Variants in SUPV3L1 observed in about 807,000 individuals in gnomAD.
The protein encoded by SUPV3L1 is Suv3 like RNA helicase, also known as ATP-dependent RNA helicase SUPV3L1, mitochondrial.
In SUPV3L1, 35 loss-of-function variants were observed where a neutral mutation model predicts 70.0. The ratio of observed to expected loss-of-function variants is 0.50; its 90% CI spans 0.38 to 0.66. The LOEUF (loss-of-function observed/expected upper bound fraction) is 0.66. Ranked by LOEUF, SUPV3L1 falls within the 30% of genes least tolerant of loss-of-function variation. The pLI is 0.00. For missense variants in SUPV3L1, 777 were observed against 961.5 expected, an observed-to-expected ratio of 0.81 and a Z score of 2.54; for synonymous variants, 364 against 341.9, an observed-to-expected ratio of 1.06 and a Z score of -0.71.
rs1842595988 is a variant in SUPV3L1, at chr10:69,198,363, T to G, written c.1024-9T>G. 4.4e-6 allele frequency: 7 copies of G among 1,577,896 alleles called. No homozygotes were observed. Among genetic ancestry groups the G allele is most frequent in the Non-Finnish European group, 5.2e-6 (6 of 1,164,440 alleles). ...TGTGTCATTTTGCCATTTCATGTCT[T>G]TATTGTAGGTTCGAGACTATAAGAG... On this transcript the variant is annotated splice_polypyrimidine_tract_variant and intron_variant, in intron 8 of 14. Coordinates refer to ENST00000359655, the MANE Select transcript of SUPV3L1 (RefSeq NM_003171.5).
chr10:69,180,777 C>T (rs2132258474), intron 1 of SUPV3L1, among the ~76,000 whole-genome samples: 1 of 152,324 alleles, frequency 6.6e-6, no homozygotes, highest in Middle Eastern at 3.4e-3. Context: ...CCAGAAGCGG[C>T]CTTTTCCCTT....
chr10:69,190,271 C>T (rs1165079505), intron 5 of SUPV3L1, among the ~76,000 whole-genome samples: 1 of 152,190 alleles, frequency 6.6e-6, no homozygotes, highest in Non-Finnish European at 1.5e-5. Context: ...TCAGCTAGAG[C>T]TAATGATAAA....
At chr10:69,193,591 G>A (rs1842458863) in intron 6 of SUPV3L1, among the ~76,000 whole-genome samples, 1 of 150,042 alleles carries the variant, frequency 6.7e-6, no homozygotes, top group African/African-American at 2.5e-5. Context: ...TTTTTCTTTT[G>A]TAGAGAAGAG....
chr10:69,190,704 T>C (rs147117310), intron 5 of SUPV3L1, among the ~76,000 whole-genome samples: 1 of 152,392 alleles, frequency 6.6e-6, no homozygotes, highest in East Asian at 1.9e-4. Flanking sequence ...TTTCCATTAA[T>C]CTTGGACAGT....
At chr10:69,185,898 C>A (rs780989084) in intron 1 of SUPV3L1, 89 bp from the exon 2 acceptor site, 6 of 938,524 alleles carry the variant, frequency 6.4e-6, no homozygotes, top group South Asian at 1.4e-5. Context: ...AGACTGCTGC[C>A]TTTAGTGTTA....
chr10:69,193,559 A>G (rs2135587), intron 6 of SUPV3L1, among the ~76,000 whole-genome samples: 27,208 of 151,522 alleles, frequency 0.18, 2,849 homozygotes, highest in Non-Finnish European at 0.23. Flanking sequence ...GGCTCAAACA[A>G]TCCTCCTGCC....
At chr10:69,205,845 T>C (rs777088346) in intron 13 of SUPV3L1, among the ~76,000 whole-genome samples, 55 of 152,300 alleles carry the variant, frequency 3.6e-4, no homozygotes, top group Middle Eastern at 3.4e-3. Context: ...GCTCCGTGTG[T>C]TTTCTGTTTA....
chr10:69,182,935 A>G (rs1158317627), intron 1 of SUPV3L1, among the ~76,000 whole-genome samples: 1 of 151,846 alleles, frequency 6.6e-6, no homozygotes, highest in African/African-American at 2.4e-5. Context: ...GGGGTGTCTC[A>G]TTCTCTCTCT....
intron 10 of SUPV3L1, among the ~76,000 whole-genome samples, 171 bp downstream of exon 10, chr10:69,199,368 G>C (rs1004781645): frequency 6.6e-6 from 1 of 152,092 alleles, no homozygotes; most frequent in Non-Finnish European, 1.5e-5. Flanking sequence ...GAAATAAAAA[G>C]AAAATATTAA....
rs1290767265 is a variant in SUPV3L1, at chr10:69,180,578, A to G, written c.271+16A>G. 6.2e-7 allele frequency: 1 copy of G among 1,611,652 alleles called. No homozygotes were observed. Among genetic ancestry groups the G allele is most frequent in the South Asian group, 1.1e-5 (1 of 91,058 alleles). On this transcript the variant is annotated intron_variant, in intron 1 of 14. Transcript: ENST00000359655. ...CTGGACAAGAGTGAGTGCGGGAACT[A>G]CTGAGGGCGGCAGAGGGTGGTGTCT...
rs141333647 is a variant in SUPV3L1, at chr10:69,206,179, G to A, written c.1777-1614G>A. ...TAACTTGAGAACTCATGCTTGGCCTGTCCTGCCTAGCAGGTAGTGTGGTCA... is the reference window on the plus strand; with the variant it reads ...TAACTTGAGAACTCATGCTTGGCCTATCCTGCCTAGCAGGTAGTGTGGTCA... On this transcript the variant is annotated intron_variant, in intron 13 of 14. Coordinates refer to ENST00000359655, the MANE Select transcript of SUPV3L1 (RefSeq NM_003171.5). 1.1e-3 allele frequency among the ~76,000 whole-genome samples: 164 copies of A among 152,310 alleles called. 5 individuals are homozygous for A. The East Asian group carries it at 0.03, about 28-fold the overall frequency.
At chr10:69,185,885 A>G in intron 1 of SUPV3L1, 102 bp from the exon 2 acceptor site, 3 of 846,652 alleles carry the variant, frequency 3.5e-6, no homozygotes, top group Non-Finnish European at 6.0e-6. Context: ...TGCAACACTC[A>G]TTAGACTGCT....
At chr10:69,183,169 C>T (rs867536350) in intron 1 of SUPV3L1, among the ~76,000 whole-genome samples, 9 of 152,324 alleles carry the variant, frequency 5.9e-5, no homozygotes, top group Admixed American at 1.3e-4. Context: ...CTCACCCCTA[C>T]ATCTAACAAT....
chr10:69,199,346 C>T (rs1267612818), intron 10 of SUPV3L1, 149 bp downstream of exon 10: 2 of 649,490 alleles, frequency 3.1e-6, no homozygotes, highest in Non-Finnish European at 5.2e-6. Context: ...GTCTTGCCTA[C>T]ACCTATTGAG....
chr10:69,191,813 T>A, intron 6 of SUPV3L1, 47 bp downstream of exon 6: 1 of 1,500,168 alleles, frequency 6.7e-7, no homozygotes, highest in East Asian at 2.3e-5. Context: ...TTTTTAATTT[T>A]TTTTTTTTTT....
At chr10:69,184,867 A>T (rs1386402996) in intron 1 of SUPV3L1, among the ~76,000 whole-genome samples, 1 of 152,218 alleles carries the variant, frequency 6.6e-6, no homozygotes, top group Non-Finnish European at 1.5e-5. Context: ...TCATGGGTAA[A>T]GGCTGTGTCC....
chr10:69,201,567 C>T (rs966891324), intron 11 of SUPV3L1, among the ~76,000 whole-genome samples: 1 of 146,618 alleles, frequency 6.8e-6, no homozygotes, highest in African/African-American at 2.5e-5. Context: ...TAGTGTTTCA[C>T]TCTGTTACTC....
In SUPV3L1 at chr10:69,187,753, A is replaced by T; in HGVS notation, c.569A>T (p.Asn190Ile). The part of the protein sequence containing the change: ...RKISDLRIPP[N>I]WYPDARAMQR... ...ATCAGTGACTTAAGAATACCACCTA[A>T]CTGGTTAGTTTCTCCATTTGTGGAT... The change falls in exon 4 of 15, where the codon AAC (asparagine) becomes ATC (isoleucine). Residue 190 changes from asparagine (N) to isoleucine (I), a missense_variant. Physicochemically the swap from Asn to Ile is moderately radical, Grantham distance 149 (BLOSUM62 -3). Transcript: ENST00000359655. 7 of 1,582,234 alleles carry T rather than the reference A, an allele frequency of 4.4e-6. No homozygotes were observed. Among genetic ancestry groups the T allele is most frequent in the Non-Finnish European group, 6.0e-6 (7 of 1,159,858 alleles).
intron 13 of SUPV3L1, among the ~76,000 whole-genome samples, chr10:69,207,428 C>A (rs1842859661): frequency 6.6e-6 from 1 of 152,214 alleles, no homozygotes; most frequent in South Asian, 2.1e-4. Context: ...TCCTCCACCT[C>A]AGCTTCCTGA....
Sources: allele counts gnomAD v4.1 joint callset (sites outside exome capture counted in the v4.1 genomes callset), GRCh38; gene constraint gnomAD v4.1.1; transcripts MANE v1.5; gene names NCBI Gene and HGNC (gene_info 2026-07-23, HGNC 2026-07-21).